COL7A1: variants seen among roughly 807,000 people sequenced by gnomAD.
The protein encoded by COL7A1 is collagen type VII alpha 1 chain, also known as collagen alpha-1(VII) chain.
Under a neutral mutation model 456.2 loss-of-function variants are expected in COL7A1, and 296 were observed. That is an observed-to-expected ratio of 0.65 (90% CI 0.59 to 0.71). The LOEUF is 0.71. Among genes scored for constraint, COL7A1 ranks in the 30% least tolerant of loss-of-function variants. The pLI is 0.00. For missense variants in COL7A1, 3,441 were observed against 4,017.2 expected (o/e 0.86, Z 3.88); for synonymous variants, 1,464 against 1,525.9 (o/e 0.96, Z 0.95).
In COL7A1 at chr3:48,570,483, A is replaced by G. The variant is rs1431384871; in HGVS notation, c.7362T>C (p.Ser2454=). The change falls in exon 97 of 119, where the codon TCT becomes TCC. Residue 2454 remains serine (S), a synonymous_variant. Transcript: ENST00000681320. This position sits in a 1 kb window ranked among gnomAD's most constrained non-coding sequence, Gnocchi z 5.5. The part of the protein sequence containing the change: ...PPGSVGPPGA[S]GLKGDKGDPG... Reference sequence around the variant, plus strand: ...CACCTACCTTGTCTCCTTTGAGTCCAGAGGCCCCAGGTGGTCCCTGTAGGT... The same window carrying G: ...CACCTACCTTGTCTCCTTTGAGTCCGGAGGCCCCAGGTGGTCCCTGTAGGT... The G allele has an allele frequency of 1.9e-6, 3 of 1,613,968 alleles. No homozygotes were observed. The South Asian group carries it at 3.3e-5, about 18-fold the overall frequency.
Position 48,568,137 on chromosome 3 carries a change from G to T in COL7A1, c.7828C>A (p.Arg2610=). 1.9e-6 allele frequency: 3 copies of T among 1,614,012 alleles called. No individual in the cohort carries two copies. Among genetic ancestry groups the T allele is most frequent in the Non-Finnish European group, 1.7e-6 (2 of 1,180,018 alleles). The stretch of plus-strand genomic sequence containing the variant: ...AAGCCAACATCTCCTTTTTCTCCTC[G>T]GATACCAGGCACTCCATCCTTTCCT... ...SPGKDGVPGI[R]GEKGDVGFMG... Residue 2610 remains arginine (R), a synonymous_variant, in exon 106 of 119, where the codon CGA becomes AGA. Coordinates refer to ENST00000681320, the MANE Select transcript of COL7A1 (RefSeq NM_000094.4). The surrounding 1 kb of genome is among the most constrained non-coding windows in gnomAD (Gnocchi z 5.2).
At position 48,580,458 on chromosome 3, in the gene COL7A1, G is replaced by A; in HGVS notation, c.5053-114C>T. 2.0e-6 allele frequency: 3 copies of A among 1,473,374 alleles called. No homozygotes were observed. The highest frequency in any genetic ancestry group is 2.8e-6 in the Non-Finnish European group (3 of 1,067,306). The allele number at this position is 1,473,374 out of a possible 1,614,324, so 91.3% of individuals were successfully genotyped here. Reference sequence around the variant, plus strand: ...GTAGCCTTCAGATGCGTGTGTGCAGGGGTCAAAGGAAGTGAAGATTGGGAG... The same window carrying A: ...GTAGCCTTCAGATGCGTGTGTGCAGAGGTCAAAGGAAGTGAAGATTGGGAG... On this transcript the variant is annotated intron_variant, in intron 55 of 118. Transcript: ENST00000681320. This position sits in a 1 kb window ranked among gnomAD's most constrained non-coding sequence, Gnocchi z 4.5.
In COL7A1 at chr3:48,585,640, G is replaced by A. The variant is rs917803920; in HGVS notation, c.3832-21C>T. 1.9e-6 allele frequency: 3 copies of A among 1,613,924 alleles called. No individual in the cohort carries two copies. The highest frequency in any genetic ancestry group is 2.7e-5 in the African/African-American group (2 of 74,934). ...CTGCCCTGAAAGAAGATAGCAGTTA[G>A]GTGGGGATAAGCCAGTCAGGGTGCA... is the stretch of plus-strand genomic sequence containing the variant. On this transcript the variant is annotated intron_variant, in intron 31 of 118. Coordinates refer to ENST00000681320, the MANE Select transcript of COL7A1 (RefSeq NM_000094.4). This position sits in a 1 kb window ranked among gnomAD's most constrained non-coding sequence, Gnocchi z 4.5.
chr3:48,584,008 C>T (rs776560133), intron 38 of COL7A1, 27 bp downstream of exon 38: 1 of 1,614,036 alleles, frequency 6.2e-7, no homozygotes, highest in Non-Finnish European at 8.5e-7. Context: ...TCCAAGCCAC[C>T]CCTAGCACAA....
chr3:48,595,316 A>C lies in COL7A1; in HGVS notation c.-50T>G, dbSNP rs2046008440. The C allele has an allele frequency of 7.7e-6, 5 of 653,140 alleles. No individual in the cohort carries two copies. Among genetic ancestry groups the C allele is most frequent in the Non-Finnish European group, 1.4e-5 (5 of 365,990 alleles). 40.5% of individuals were successfully genotyped at this position (653,140 alleles called of 1,614,324 possible). On this transcript the variant is annotated 5_prime_UTR_variant, in exon 1 of 119. Coordinates refer to ENST00000681320, the MANE Select transcript of COL7A1 (RefSeq NM_000094.4). ...GCCGCCGCTGCAGTCTCTCGGGCAG[A>C]GCAGAGAAAAGTCCCTGATCTCGGG...
In COL7A1 at chr3:48,594,064, G is replaced by A. The variant is rs911036108; in HGVS notation, c.266+304C>T. Among the ~76,000 whole-genome samples, 2 of 152,238 alleles carry A rather than the reference G, an allele frequency of 1.3e-5. No homozygotes were observed. Among genetic ancestry groups the A allele is most frequent in the African/African-American group, 4.8e-5 (2 of 41,468 alleles). On this transcript the variant is annotated intron_variant, in intron 3 of 118. Coordinates refer to ENST00000681320, the MANE Select transcript of COL7A1 (RefSeq NM_000094.4). The surrounding 1 kb of genome is among the most constrained non-coding windows in gnomAD (Gnocchi z 5.5). ...GCTGCAAGGGTTAGAGGGCTAGAAC[G>A]TGGAGAATCCAACAGGCGTGGGGGC...
Position 48,580,358 on chromosome 3 carries a change from G to A in COL7A1, c.5053-14C>T, listed in dbSNP as rs763313149. On this transcript the variant is annotated splice_polypyrimidine_tract_variant and intron_variant, in intron 55 of 118. Coordinates refer to ENST00000681320, the MANE Select transcript of COL7A1 (RefSeq NM_000094.4). The surrounding 1 kb of genome is among the most constrained non-coding windows in gnomAD (Gnocchi z 4.5). ...TCCAGGGCTGCCCTGCAGAAAGGCA[G>A]GGGTCAGGGCCACTCAAGGTAGGCA... 39 of 1,607,874 alleles carry A rather than the reference G, an allele frequency of 2.4e-5. No homozygotes were observed. In the South Asian group the frequency reaches 4.2e-4, roughly 17 times the overall value.
chr3:48,565,171 G>A lies in COL7A1; in HGVS notation c.8558C>T (p.Ser2853Phe). 1 of 1,614,036 alleles carries A rather than the reference G, an allele frequency of 6.2e-7. No individual in the cohort carries two copies. The highest frequency in any genetic ancestry group is 8.5e-7 in the Non-Finnish European group (1 of 1,179,970). The part of the protein sequence containing the change: ...ERVPPEDDEY[S>F]EYSEYSVEEY... ...CTCCACAGAATACTCGGAGTATTCA[G>A]AGTACTCATCATCCTCAGGGGGTAC... is the stretch of plus-strand genomic sequence containing the variant. Residue 2853 changes from serine to phenylalanine, a missense_variant, in exon 117 of 119, where the codon TCT (serine) becomes TTT (phenylalanine). Coordinates refer to ENST00000681320, the MANE Select transcript of COL7A1 (RefSeq NM_000094.4). This position sits in a 1 kb window ranked among gnomAD's most constrained non-coding sequence, Gnocchi z 4.5.
chr3:48,564,733 T>C lies in COL7A1; in HGVS notation c.8818+50A>G. 1 of 1,585,028 alleles carries C rather than the reference T, an allele frequency of 6.3e-7. No homozygotes were observed. The highest frequency in any genetic ancestry group is 8.6e-7 in the Non-Finnish European group (1 of 1,161,992). ...CAAGGACTCCTCCCCCAGAACCCGA[T>C]CCAGGCAGGCTCAGTGCCCAGTTCC... On this transcript the variant is annotated intron_variant, in intron 118 of 118. Coordinates refer to ENST00000681320, the MANE Select transcript of COL7A1 (RefSeq NM_000094.4). This position sits in a 1 kb window ranked among gnomAD's most constrained non-coding sequence, Gnocchi z 6.0.
rs2045310238 is a variant in COL7A1 at position 48,586,963 on chromosome 3, G to C, written c.3276+9C>G. ...GGAGAGGTAGAATCTGGCTGCCCCA[G>C]GGCCAAACCTGAACTGCCTGTGGCC... On this transcript the variant is annotated intron_variant, in intron 25 of 118. Transcript: ENST00000681320. This position sits in a 1 kb window ranked among gnomAD's most constrained non-coding sequence, Gnocchi z 5.1. The C allele has an allele frequency of 2.5e-6, 4 of 1,585,202 alleles. No homozygotes were observed. In the South Asian group the frequency reaches 4.6e-5, roughly 18 times the overall value.
rs764805924 is a variant in COL7A1 at position 48,588,387 on chromosome 3, C to T, written c.2605G>A (p.Ala869Thr). Residue 869 changes from alanine to threonine, a missense_variant, in exon 21 of 119, where the codon GCC (alanine) becomes ACC (threonine). Coordinates refer to ENST00000681320, the MANE Select transcript of COL7A1 (RefSeq NM_000094.4). This position sits in a 1 kb window ranked among gnomAD's most constrained non-coding sequence, Gnocchi z 4.6. ...TGCACCACGTGAAGCGTCCCCAGGGCTGGCGGAGCCTCAGGCGCTGGAGAG... is the reference window on the plus strand; with the variant it reads ...TGCACCACGTGAAGCGTCCCCAGGGTTGGCGGAGCCTCAGGCGCTGGAGAG... ...VVTTPPEAPP[A>T]LGTLHVVQRG... The T allele has an allele frequency of 6.2e-7, 1 of 1,611,034 alleles. No individual in the cohort carries two copies. Among genetic ancestry groups the T allele is most frequent in the Non-Finnish European group, 8.5e-7 (1 of 1,179,832 alleles).
intron 65 of COL7A1, among the ~76,000 whole-genome samples, chr3:48,577,982 T>A (rs2044436696): frequency 6.6e-6 from 1 of 152,144 alleles, no homozygotes; most frequent in Non-Finnish European, 1.5e-5. Context: ...CTGACTAACA[T>A]GGAGAAACCC....
rs2107694520 is a variant in COL7A1, at chr3:48,578,910, C to T, written c.5424+9G>A. 6.2e-7 allele frequency: 1 copy of T among 1,613,614 alleles called. No homozygotes were observed. Among genetic ancestry groups the T allele is most frequent in the South Asian group, 1.1e-5 (1 of 91,026 alleles). ...AGCCCCCTCTGTCCCAGCATCTCCCCTCACTTACGTCTCTCCCTGGGTCCC... is the reference window on the plus strand; with the variant it reads ...AGCCCCCTCTGTCCCAGCATCTCCCTTCACTTACGTCTCTCCCTGGGTCCC... On this transcript the variant is annotated intron_variant, in intron 63 of 118. Coordinates refer to ENST00000681320, the MANE Select transcript of COL7A1 (RefSeq NM_000094.4). The surrounding 1 kb of genome is among the most constrained non-coding windows in gnomAD (Gnocchi z 4.7).
chr3:48,565,317 C>A lies in COL7A1; in HGVS notation c.8527+93G>T. 1.3e-6 allele frequency: 2 copies of A among 1,505,104 alleles called. No individual in the cohort carries two copies. The highest frequency in any genetic ancestry group is 2.4e-5 in the South Asian group (2 of 85,014). 93.2% of individuals were successfully genotyped at this position (1,505,104 alleles called of 1,614,324 possible). ...CCATGCGTGTGCCCTGCATGCAGAC[C>A]CTACGTGCTTGGCGTGTGCCCTGCA... On this transcript the variant is annotated intron_variant, in intron 116 of 118. Coordinates refer to ENST00000681320, the MANE Select transcript of COL7A1 (RefSeq NM_000094.4). The surrounding 1 kb of genome is among the most constrained non-coding windows in gnomAD (Gnocchi z 4.5).
rs781666715 is a variant in COL7A1, at chr3:48,592,562, T to A, written c.976+8A>T. ...TGAATGGGGTCAGAGGCTGGCAGAA[T>A]TGCTCACTGGTCCGAGCTGTCCCGC... On this transcript the variant is annotated splice_region_variant and intron_variant, in intron 8 of 118. Coordinates refer to ENST00000681320, the MANE Select transcript of COL7A1 (RefSeq NM_000094.4). This position sits in a 1 kb window ranked among gnomAD's most constrained non-coding sequence, Gnocchi z 7.6. The A allele has an allele frequency of 3.1e-6, 5 of 1,613,884 alleles. No homozygotes were observed. The highest frequency in any genetic ancestry group is 4.2e-6 in the Non-Finnish European group (5 of 1,180,020).
Position 48,579,242 on chromosome 3 carries a change from G to C in COL7A1, c.5343C>G (p.Ser1781Arg). Residue 1781 changes from serine (S) to arginine (R), a missense_variant, in exon 62 of 119, where the codon AGC (serine) becomes AGG (arginine). Coordinates refer to ENST00000681320, the MANE Select transcript of COL7A1 (RefSeq NM_000094.4). This position sits in a 1 kb window ranked among gnomAD's most constrained non-coding sequence, Gnocchi z 4.4. Reference protein sequence around the residue: ...DRGPPGLDGRSGLDGKPGAAG... With the variant: ...DRGPPGLDGRRGLDGKPGAAG... ...CGGCTCCTGGTTTCCCATCCAGTCC[G>C]CTCCGGCCATCCAGCCCAGGGGGAC... 2 of 1,613,842 alleles carry C rather than the reference G, an allele frequency of 1.2e-6. No individual in the cohort carries two copies. Among genetic ancestry groups the C allele is most frequent in the Non-Finnish European group, 1.7e-6 (2 of 1,180,020 alleles).
chr3:48,569,924 G>C lies in COL7A1; in HGVS notation c.7486-9C>G. 1.2e-6 allele frequency: 2 copies of C among 1,614,026 alleles called. No homozygotes were observed. Among genetic ancestry groups the C allele is most frequent in the Non-Finnish European group, 1.7e-6 (2 of 1,179,954 alleles). On this transcript the variant is annotated splice_polypyrimidine_tract_variant and intron_variant, in intron 99 of 118. Transcript: ENST00000681320. This position sits in a 1 kb window ranked among gnomAD's most constrained non-coding sequence, Gnocchi z 4.9. ...CTGCTGCCAGGGGGCCCCTGTGTGA[G>C]AGAAGGTGACCGTGAGCTACAGGAA...
rs1195543418 is a variant in COL7A1 at position 48,567,069 on chromosome 3, G to T, written c.8110-46C>A. ...GTCAGTAATCAGAGGCCCCAGAGAT[G>T]GACCCTCTCCCAAAGTGCACGCTCC... On this transcript the variant is annotated intron_variant, in intron 110 of 118. Coordinates refer to ENST00000681320, the MANE Select transcript of COL7A1 (RefSeq NM_000094.4). This position sits in a 1 kb window ranked among gnomAD's most constrained non-coding sequence, Gnocchi z 4.3. 1 of 1,612,842 alleles carries T rather than the reference G, an allele frequency of 6.2e-7. No homozygotes were observed. Among genetic ancestry groups the T allele is most frequent in the Non-Finnish European group, 8.5e-7 (1 of 1,179,232 alleles).
Position 48,578,947 on chromosome 3 carries a change from G to A in COL7A1, c.5396C>T (p.Ala1799Val), listed in dbSNP as rs2044523236. 1 of 1,613,852 alleles carries A rather than the reference G, an allele frequency of 6.2e-7. No individual in the cohort carries two copies. Among genetic ancestry groups the A allele is most frequent in the Non-Finnish European group, 8.5e-7 (1 of 1,179,980 alleles). ...AAGPSGPNGA[A>V]GKAGDPGRDG... is the part of the protein sequence containing the mutation. ...TCTCCCTGGGTCCCCAGCTTTGCCT[G>A]CAGCACCCTGAGGAGAGACTCAAAG... The change falls in exon 63 of 119, where the codon GCA (alanine) becomes GTA (valine). Residue 1799 changes from alanine to valine, a missense_variant. By Grantham distance (64) the Ala-to-Val change is moderately conservative. Around this residue, in one of 3 missense-constraint regions of COL7A1, gnomAD observed 2,084 missense variants for 2,501.3 expected, o/e 0.83. Transcript: ENST00000681320. The surrounding 1 kb of genome is among the most constrained non-coding windows in gnomAD (Gnocchi z 4.7).
Sources: allele counts gnomAD v4.1 joint callset (sites outside exome capture counted in the v4.1 genomes callset), GRCh38; gene constraint gnomAD v4.1.1; regional missense constraint gnomAD v4.1.1; non-coding constraint Gnocchi (gnomAD v3.1); transcripts MANE v1.5; gene names NCBI Gene and HGNC (gene_info 2026-07-23, HGNC 2026-07-21).